The following TRPM1 variants were observed in gnomAD, a reference collection of about 807,000 sequenced individuals.
The protein encoded by TRPM1 is TRPM1-203 APA Isoform, Intron 10.
In TRPM1, 113 loss-of-function variants were observed where a neutral mutation model predicts 149.4. That is an observed-to-expected ratio of 0.76 (90% CI 0.65 to 0.88). TRPM1 has a LOEUF of 0.88. Ranked by LOEUF, TRPM1 falls within the 40% of genes least tolerant of loss-of-function variation. The probability of loss-of-function intolerance (pLI) is 0.00; values close to 1 mark genes in which losing one functional copy is unlikely to be tolerated. For synonymous variants in TRPM1, 741 were observed against 759.5 expected (o/e 0.98, Z 0.40); for missense variants, 1,976 against 2,038.7 (o/e 0.97, Z 0.59).
chr15:31,112,122 G>A (rs2035698333), intron 1 of TRPM1, among the ~76,000 whole-genome samples: 1 of 152,226 alleles, frequency 6.6e-6, no homozygotes. Context: ...GTGCTGGAAA[G>A]TGTGGCAATA....
intron 1 of TRPM1, among the ~76,000 whole-genome samples, chr15:31,135,560 G>C (rs1250345013): frequency 6.6e-6 from 1 of 152,136 alleles, no homozygotes; most frequent in Non-Finnish European, 1.5e-5. Flanking sequence ...CATTGCTATA[G>C]TGTGGCTATT....
At chr15:31,141,663 T>C (rs1236248944) in intron 1 of TRPM1, among the ~76,000 whole-genome samples, 1 of 152,092 alleles carries the variant, frequency 6.6e-6, no homozygotes, top group East Asian at 1.9e-4. Flanking sequence ...AAAAAGTATA[T>C]TTTTGTCTTT....
At chr15:31,119,398 T>C (rs1281654522) in intron 1 of TRPM1, among the ~76,000 whole-genome samples, 1 of 152,172 alleles carries the variant, frequency 6.6e-6, no homozygotes, top group African/African-American at 2.4e-5. Flanking sequence ...ACCTAGATTC[T>C]GTATCCAGAG....
chr15:31,082,999 C>T (rs866771863), intron 1 of TRPM1, among the ~76,000 whole-genome samples: 44 of 151,996 alleles, frequency 2.9e-4, no homozygotes, highest in African/African-American at 9.7e-4. Context: ...AGGAGGGGTA[C>T]AGGAAGGTGC....
intron 10 of TRPM1, 130 bp downstream of exon 10, chr15:31,061,312 G>T: frequency 1.1e-6 from 1 of 870,448 alleles, no homozygotes; most frequent in Non-Finnish European, 1.9e-6. Flanking sequence ...TTCATGCTGA[G>T]ACTGCTCAAG....
At chr15:31,050,647 T>A in intron 11 of TRPM1, 65 bp from the exon 12 acceptor site, 1 of 1,565,780 alleles carries the variant, frequency 6.4e-7, no homozygotes, top group Non-Finnish European at 8.8e-7. Flanking sequence ...CCAGACCAGC[T>A]CATTGACCCT....
intron 7 of TRPM1, chr15:31,065,150 G>A (rs765609201): frequency 1.5e-5 from 8 of 533,366 alleles, no homozygotes; most frequent in African/African-American, 5.8e-5. Context: ...GAAATGGGGT[G>A]TTGTAAAAAC....
At chr15:31,138,644 G>A (rs2036121048) in intron 1 of TRPM1, among the ~76,000 whole-genome samples, 1 of 152,050 alleles carries the variant, frequency 6.6e-6, no homozygotes, top group Non-Finnish European at 1.5e-5. Flanking sequence ...GATCACTTGA[G>A]CCCAGAAGTT....
At chr15:31,059,962 A>G (rs1307254300) in intron 11 of TRPM1, among the ~76,000 whole-genome samples, 1 of 151,858 alleles carries the variant, frequency 6.6e-6, no homozygotes, top group Non-Finnish European at 1.5e-5. Flanking sequence ...CTCCACACAC[A>G]CTGCTCATCC....
At chr15:31,089,133 A>G (rs1480909012) in intron 1 of TRPM1, among the ~76,000 whole-genome samples, 1 of 152,242 alleles carries the variant, frequency 6.6e-6, no homozygotes, top group Non-Finnish European at 1.5e-5. Context: ...CAGTGTGGAA[A>G]CTGAAGACAG....
rs11636071 is a variant in TRPM1 at position 31,046,846 on chromosome 15, A to G, written c.1764+265T>C. Among the ~76,000 whole-genome samples, 107,072 of 152,068 alleles carry G rather than the reference A, an allele frequency of 0.7. 38,083 individuals are homozygous for G. The highest frequency in any genetic ancestry group is 0.95 in the East Asian group (4,929 of 5,176). On this transcript the variant is annotated intron_variant, in intron 15 of 27. Coordinates refer to ENST00000256552, the MANE Select transcript of TRPM1 (RefSeq NM_001252024.2). ...GTGGGATAGTAGAATAGGCTGGAGC[A>G]GGCAGACAGTAGCCCCGGAGCCCAG...
At chr15:31,113,732 C>T (rs2035751359) in intron 1 of TRPM1, among the ~76,000 whole-genome samples, 1 of 152,152 alleles carries the variant, frequency 6.6e-6, no homozygotes, top group East Asian at 1.9e-4. Context: ...GGTCCCACCG[C>T]CTTTAAGAAT....
intron 3 of TRPM1, among the ~76,000 whole-genome samples, chr15:31,074,978 C>T (rs896832188): frequency 1.3e-5 from 2 of 152,032 alleles, no homozygotes; most frequent in East Asian, 3.8e-4. Flanking sequence ...TATGAGTTTC[C>T]AATTTTTTTC....
intron 11 of TRPM1, among the ~76,000 whole-genome samples, chr15:31,052,542 A>T (rs1377922096): frequency 6.6e-6 from 1 of 152,228 alleles, no homozygotes; most frequent in African/African-American, 2.4e-5. Context: ...TGGGAGGCCG[A>T]GGCAGATGGA....
chr15:31,098,867 C>A (rs1567054296), intron 1 of TRPM1, among the ~76,000 whole-genome samples: 1 of 152,000 alleles, frequency 6.6e-6, no homozygotes, highest in Non-Finnish European at 1.5e-5. Flanking sequence ...GAGCCAGAAG[C>A]CGTGAGGGAG....
chr15:31,070,525 C>A (rs2034512446), intron 3 of TRPM1: 1 of 624,656 alleles, frequency 1.6e-6, no homozygotes, highest in South Asian at 1.5e-5. Context: ...ACTAAACATT[C>A]TGTGACAAAG....
chr15:31,052,875 C>T (rs1274104759), intron 11 of TRPM1, among the ~76,000 whole-genome samples: 1 of 152,080 alleles, frequency 6.6e-6, no homozygotes, highest in Admixed American at 6.5e-5. Flanking sequence ...AATATGACAC[C>T]AAAGGCACAG....
intron 17 of TRPM1, among the ~76,000 whole-genome samples, chr15:31,041,739 A>G (rs1160830405): frequency 2.6e-5 from 4 of 152,230 alleles, no homozygotes; most frequent in Admixed American, 2.6e-4. Context: ...ATTTTGATGC[A>G]AAGAGAAGGC....
At position 31,063,064 on chromosome 15, in the gene TRPM1, C is replaced by T. The variant is rs970601533; in HGVS notation, c.965+54G>A. On this transcript the variant is annotated intron_variant, in intron 8 of 27. Transcript: ENST00000256552. Reference sequence around the variant, plus strand: ...AGACCACTTTAGATTTTCTCCTTGGCCCGACAAAGAGGGAGTTACGAACCC... The same window carrying T: ...AGACCACTTTAGATTTTCTCCTTGGTCCGACAAAGAGGGAGTTACGAACCC... 43 of 1,608,574 alleles carry T rather than the reference C, an allele frequency of 2.7e-5. No homozygotes were observed. In the South Asian group the frequency reaches 3.3e-4, roughly 12 times the overall value.
Sources: gnomAD v4.1 joint callset for allele counts (sites outside exome capture counted in the v4.1 genomes callset) on GRCh38, gnomAD v4.1.1 for gene constraint, MANE v1.5 for transcripts, NCBI Gene and HGNC (gene_info 2026-07-23, HGNC 2026-07-21) for gene names.